ZNF550: variants seen among roughly 807,000 people sequenced by gnomAD.
ZNF550 encodes zinc finger protein 550.
A neutral mutation model predicts 40.2 loss-of-function variants in ZNF550; 42 were observed. The observed-to-expected ratio is 1.05, with a 90% CI of 0.82 to 1.35. The LOEUF (loss-of-function observed/expected upper bound fraction) is 1.35, where lower values mean the gene tolerates loss of function less well. Among genes scored for constraint, ZNF550 ranks in the 40% most tolerant of loss-of-function variants. The probability of loss-of-function intolerance (pLI) is 0.00; values close to 1 mark genes in which losing one functional copy is unlikely to be tolerated. For missense variants in ZNF550, 549 were observed against 525.2 expected, an observed-to-expected ratio of 1.05 and a Z score of -0.44; for synonymous variants, 223 against 198.6, an observed-to-expected ratio of 1.12 and a Z score of -1.03.
chr19:57,547,935 C>T, exon 4 of ZNF550: 1 of 1,614,150 alleles, frequency 6.2e-7, no homozygotes, highest in Non-Finnish European at 8.5e-7. Flanking sequence ...GAAAGGCCCG[C>T]TCAGATAAGA....
chr19:57,557,027 G>A (rs8108543), intron 1 of ZNF550: 75,051 of 151,920 alleles, frequency 0.49, 18,750 homozygotes, highest in African/African-American at 0.57. Context: ...ACCTCTGCCC[G>A]AGAAAGCCTG....
intron 2 of ZNF550, chr19:57,553,577 C>T (rs1024706742): frequency 1.2e-4 from 19 of 152,156 alleles, no homozygotes; most frequent in African/African-American, 4.6e-4. Flanking sequence ...AAAACCATGC[C>T]TGGCTAGTTT....
chr19:57,544,232 C>T (rs1040628736), intron 4 of ZNF550: 6 of 985,322 alleles, frequency 6.1e-6, no homozygotes, highest in Non-Finnish European at 7.2e-6. Context: ...TCATGAGATT[C>T]TTGCCTATCA....
exon 4 of ZNF550, chr19:57,547,147 G>A (rs747167283): frequency 1.2e-6 from 2 of 1,611,408 alleles, no homozygotes; most frequent in South Asian, 1.1e-5. Context: ...CTTCTCCCCA[G>A]TGTGAATCCG....
At chr19:57,543,644 G>A (rs1165193231) in intron 4 of ZNF550, 6 of 985,150 alleles carry the variant, frequency 6.1e-6, no homozygotes, top group South Asian at 4.7e-5. Flanking sequence ...ACATGAAAAC[G>A]TTTTACCTCT....
At chr19:57,559,626 G>T in intron 1 of ZNF550, 30 bp downstream of exon 1, 1 of 1,470,208 alleles carries the variant, frequency 6.8e-7, no homozygotes, top group Non-Finnish European at 9.1e-7. Flanking sequence ...GAGGCCGGGT[G>T]GCCGCGGGGA....
intron 3 of ZNF550, among the ~76,000 whole-genome samples, chr19:57,548,635 C>A (rs1467403638): frequency 6.6e-6 from 1 of 152,074 alleles, no homozygotes; most frequent in African/African-American, 2.4e-5. Flanking sequence ...GTGGGAATTT[C>A]AATTAGTACA....
intron 4 of ZNF550, chr19:57,544,630 T>G (rs916523224): frequency 2.0e-6 from 2 of 984,556 alleles, no homozygotes; most frequent in African/African-American, 3.5e-5. Flanking sequence ...AGAATTCTAT[T>G]TATAATATGT....
intron 4 of ZNF550, among the ~76,000 whole-genome samples, chr19:57,545,087 A>T (rs956063348): frequency 1.3e-5 from 2 of 152,190 alleles, no homozygotes; most frequent in Admixed American, 6.5e-5. Flanking sequence ...GCACTCCTGC[A>T]CTCCAGCCTA....
chr19:57,548,465 A>G (rs569931050), intron 3 of ZNF550, among the ~76,000 whole-genome samples: 2 of 152,360 alleles, frequency 1.3e-5, no homozygotes, highest in East Asian at 1.9e-4. Flanking sequence ...GCCAACAGGT[A>G]TATGAAAAAC....
intron 2 of ZNF550, chr19:57,555,857 C>G (rs150522119): frequency 7.3e-6 from 2 of 275,522 alleles, no homozygotes; most frequent in Non-Finnish European, 1.4e-5. Context: ...AGGAAGATAT[C>G]CGAGGGGCAC....
chr19:57,559,576 C>T, intron 1 of ZNF550, 80 bp downstream of exon 1: 1 of 1,370,918 alleles, frequency 7.3e-7, no homozygotes, highest in Non-Finnish European at 9.7e-7. Context: ...TGAGGACGAC[C>T]CTGAAACGCC....
intron 3 of ZNF550, 53 bp downstream of exon 3, chr19:57,552,574 C>T: frequency 7.2e-7 from 1 of 1,383,278 alleles, no homozygotes; most frequent in Non-Finnish European, 1.0e-6. Flanking sequence ...GTGGTGCCCT[C>T]ACATTATCTG....
upstream of ZNF550, among the ~76,000 whole-genome samples, chr19:57,561,348 C>T (rs895233790): frequency 3.3e-5 from 5 of 152,110 alleles, no homozygotes; most frequent in African/African-American, 1.2e-4. This position sits in a 1 kb window ranked among gnomAD's most constrained non-coding sequence, Gnocchi z 4.9. Flanking sequence ...CAGGAGTAAA[C>T]CTTACTCAAT....
At chr19:57,547,522 C>T (rs776654416) in exon 4 of ZNF550, 1 of 1,613,956 alleles carries the variant, frequency 6.2e-7, no homozygotes, top group African/African-American at 1.3e-5. Context: ...TGAGCTCTGG[C>T]TAAAGGCTTT....
chr19:57,553,699 C>G (rs2090094616), intron 2 of ZNF550: 2 of 151,988 alleles, frequency 1.3e-5, no homozygotes, highest in South Asian at 4.1e-4. Flanking sequence ...GCACCCGGCC[C>G]CAGGAGGCAT....
chr19:57,554,542 C>T lies in ZNF550; in HGVS notation c.154+1689G>A, dbSNP rs146427402. ...GGTGAAGCCAGTTTGATCTGGTTTT[C>T]TGTTATATGCAGCCAAATGCTTTCC... On this transcript the variant is annotated intron_variant, in intron 2 of 4. Transcript: ENST00000457177. The surrounding 1 kb of genome is among the most constrained non-coding windows in gnomAD (Gnocchi z 4.5). The T allele has an allele frequency of 0.021, 3,127 of 152,312 alleles. 36 individuals are homozygous for T. Among genetic ancestry groups the T allele is most frequent in the Non-Finnish European group, 0.033 (2,279 of 68,044 alleles). The allele number at this position is 152,312 out of a possible 1,614,324, so 9.4% of individuals were successfully genotyped here. A position where few individuals can be genotyped will look rare whatever the true frequency, so the allele number is the denominator to read the frequency against.
At chr19:57,542,179 A>ACTT (rs1414174706) in exon 5 of ZNF550, 1 of 151,792 alleles carries the variant, frequency 6.6e-6, no homozygotes, top group Non-Finnish European at 1.5e-5. Context: ...ATCACTTTAA[A>ACTT]CTTCTAAAGT....
At chr19:57,544,310 A>G (rs1947941456) in intron 4 of ZNF550, 1 of 985,476 alleles carries the variant, frequency 1.0e-6, no homozygotes, top group Non-Finnish European at 1.2e-6. Flanking sequence ...AAGAGCTGGA[A>G]GCTAAGAAAA....
Sources: gnomAD v4.1 joint callset for allele counts (sites outside exome capture counted in the v4.1 genomes callset) on GRCh38, gnomAD v4.1.1 for gene constraint, Gnocchi (gnomAD v3.1) non-coding constraint, MANE v1.5 for transcripts, NCBI Gene and HGNC (gene_info 2026-07-23, HGNC 2026-07-21) for gene names.